LRP11: variants seen among roughly 807,000 people sequenced by gnomAD.
LRP11 encodes LDL receptor related protein 11, also known as low-density lipoprotein receptor-related protein 11.
A neutral mutation model predicts 43.1 loss-of-function variants in LRP11; 25 were observed. The ratio of observed to expected loss-of-function variants is 0.58; its 90% confidence interval spans 0.42 to 0.81. The LOEUF is 0.81. Among genes scored for constraint, LRP11 ranks in the 30% least tolerant of loss-of-function variants. LRP11 has a pLI of 0.00. For missense variants in LRP11, 623 were observed against 665.1 expected (o/e 0.94, Z 0.70); for synonymous variants, 316 against 299.4 (o/e 1.06, Z -0.57).
intron 1 of LRP11, among the ~76,000 whole-genome samples, chr6:149,858,116 T>C (rs908187303): frequency 6.6e-5 from 10 of 152,202 alleles, no homozygotes; most frequent in Non-Finnish European, 1.2e-4. Context: ...GTTTGTTACA[T>C]AGGTATACAT....
chr6:149,828,733 T>C lies in LRP11; in HGVS notation c.1253-2374A>G, dbSNP rs540529624. On this transcript the variant is annotated intron_variant, in intron 5 of 6. Transcript: ENST00000239367. ...TTGAACTCCTGAGCTCAAGCAAGCC[T>C]CCCGCCTTGACCTCCCAAAGTGCTG... Among the ~76,000 whole-genome samples the C allele has an allele frequency of 3.9e-3, 598 of 152,048 alleles. 3 individuals are homozygous for C. Among genetic ancestry groups the C allele is most frequent in the African/African-American group, 0.014 (570 of 41,490 alleles).
At chr6:149,854,106 T>C (rs1233820013) in intron 1 of LRP11, among the ~76,000 whole-genome samples, 2 of 152,144 alleles carry the variant, frequency 1.3e-5, no homozygotes, top group African/African-American at 2.4e-5. Context: ...AACAGCAAAA[T>C]AAATCTGTAT....
intron 6 of LRP11, among the ~76,000 whole-genome samples, chr6:149,821,365 T>C (rs1329166945): frequency 6.6e-6 from 1 of 152,250 alleles, no homozygotes; most frequent in Non-Finnish European, 1.5e-5. Flanking sequence ...TTTTTTGTTG[T>C]AGTCATTGAC....
chr6:149,835,480 C>T (rs1213277105), intron 5 of LRP11, among the ~76,000 whole-genome samples: 1 of 113,872 alleles, frequency 8.8e-6, no homozygotes, highest in African/African-American at 2.6e-5. Context: ...CCAGCTACTA[C>T]GCCTATAGTC....
At chr6:149,837,539 C>T (rs767411899) in intron 3 of LRP11, 76 bp from the exon 4 acceptor site, 10 of 1,463,538 alleles carry the variant, frequency 6.8e-6, no homozygotes, top group African/African-American at 5.6e-5. Flanking sequence ...AAGGGGAGTC[C>T]GTGGGGATGA....
intron 6 of LRP11, among the ~76,000 whole-genome samples, chr6:149,822,620 ACTT>A (rs1776290758): frequency 6.6e-6 from 1 of 152,334 alleles, no homozygotes; most frequent in South Asian, 2.1e-4. Flanking sequence ...ATGGTACTCT[ACTT>A]CTACAAAATG....
chr6:149,857,668 T>C (rs1776821179), intron 1 of LRP11, among the ~76,000 whole-genome samples: 1 of 152,156 alleles, frequency 6.6e-6, no homozygotes, highest in Non-Finnish European at 1.5e-5. Flanking sequence ...CTAAGTTCAG[T>C]GCTTGAGATA....
At chr6:149,863,330 G>C in intron 1 of LRP11, 78 bp downstream of exon 1, 2 of 1,290,412 alleles carry the variant, frequency 1.5e-6, no homozygotes, top group Non-Finnish European at 2.0e-6. Context: ...GCACGAGTGT[G>C]TTTCGCTTCC....
intron 3 of LRP11, among the ~76,000 whole-genome samples, chr6:149,838,736 T>C (rs1776505875): frequency 6.6e-6 from 1 of 151,974 alleles, no homozygotes; most frequent in Admixed American, 6.6e-5. Flanking sequence ...CTGGAGTTCT[T>C]AGGAGCTTTT....
At chr6:149,844,144 T>C (rs905559384) in intron 2 of LRP11, among the ~76,000 whole-genome samples, 1 of 151,564 alleles carries the variant, frequency 6.6e-6, no homozygotes, top group African/African-American at 2.4e-5. Flanking sequence ...TCCCAGGTAC[T>C]CGGGAGGCTG....
At chr6:149,829,569 A>G (rs1776382964) in intron 5 of LRP11, among the ~76,000 whole-genome samples, 1 of 151,688 alleles carries the variant, frequency 6.6e-6, no homozygotes, top group Admixed American at 6.6e-5. Flanking sequence ...TAAAAAAATA[A>G]ATAAAATAAA....
chr6:149,853,077 C>A lies in LRP11; in HGVS notation c.697G>T (p.Glu233Ter), dbSNP rs11278. Residue 233 changes from glutamate to a stop codon, truncating the protein, a stop_gained, in exon 2 of 7, where the codon GAG becomes TAG. Transcript: ENST00000239367. LOFTEE classifies it high-confidence loss of function. ...PTDGVVLDGR[E>*]STDDHAIVQY... ...ACGATGGCGTGGTCATCTGTGCTCTCGCGGCCGTCTAGAACCACCCCGTCT... is the reference window on the plus strand; with the variant it reads ...ACGATGGCGTGGTCATCTGTGCTCTAGCGGCCGTCTAGAACCACCCCGTCT... The A allele has an allele frequency of 1.2e-6, 2 of 1,612,454 alleles. No homozygotes were observed. The highest frequency in any genetic ancestry group is 1.7e-6 in the Non-Finnish European group (2 of 1,179,292).
intron 5 of LRP11, among the ~76,000 whole-genome samples, chr6:149,826,750 T>C (rs1345141476): frequency 6.6e-6 from 1 of 152,182 alleles, no homozygotes; most frequent in African/African-American, 2.4e-5. Flanking sequence ...CATTTAGACA[T>C]GCTCTTTCTC....
At chr6:149,830,905 C>T (rs891746669) in intron 5 of LRP11, among the ~76,000 whole-genome samples, 2 of 152,174 alleles carry the variant, frequency 1.3e-5, no homozygotes, top group African/African-American at 4.8e-5. Flanking sequence ...TGAATTTCTG[C>T]TGTTTACATT....
At position 149,819,423 on chromosome 6, in the gene LRP11, A is replaced by ATGAT. The variant is rs1226761812; in HGVS notation, c.*1122_*1125dup. On this transcript the variant is annotated 3_prime_UTR_variant, in exon 7 of 7. Transcript: ENST00000239367. ...ATCCCGGCGTTAAGTGATGGTGGGAATGATTTGCCTTTAAAAGCCTACAAA... is the reference window on the plus strand; with the variant it reads ...ATCCCGGCGTTAAGTGATGGTGGGAATGATTGATTTGCCTTTAAAAGCCTACAAA... 2.0e-5 allele frequency: 3 copies of ATGAT among 152,382 alleles called. No individual in the cohort carries two copies. The highest frequency in any genetic ancestry group is 7.2e-5 in the African/African-American group (3 of 41,458). The allele number at this position is 152,382 out of a possible 1,614,324, so 9.4% of individuals were successfully genotyped here.
At chr6:149,860,177 G>A (rs1011931956) in intron 1 of LRP11, among the ~76,000 whole-genome samples, 1 of 152,128 alleles carries the variant, frequency 6.6e-6, no homozygotes, top group South Asian at 2.1e-4. Flanking sequence ...AAGGCTGGGG[G>A]TGGCAGCAGG....
At chr6:149,833,139 G>A (rs937308058) in intron 5 of LRP11, among the ~76,000 whole-genome samples, 6 of 150,794 alleles carry the variant, frequency 4.0e-5, no homozygotes, top group African/African-American at 7.3e-5. Context: ...GGGTTTCACC[G>A]TGTTAGCCAG....
At chr6:149,830,645 A>T (rs1776397009) in intron 5 of LRP11, among the ~76,000 whole-genome samples, 1 of 152,214 alleles carries the variant, frequency 6.6e-6, no homozygotes, top group South Asian at 2.1e-4. Context: ...GGTTCATGTA[A>T]AAAACTATGC....
Position 149,827,380 on chromosome 6 carries a change from C to G in LRP11, c.1253-1021G>C, listed in dbSNP as rs566187478. Among the ~76,000 whole-genome samples the G allele has an allele frequency of 6.6e-6, 1 of 152,240 alleles. No homozygotes were observed. Among genetic ancestry groups the G allele is most frequent in the South Asian group, 2.1e-4 (1 of 4,812 alleles). On this transcript the variant is annotated intron_variant, in intron 5 of 6. Coordinates refer to ENST00000239367, the MANE Select transcript of LRP11 (RefSeq NM_032832.6). This position sits in a 1 kb window ranked among gnomAD's most constrained non-coding sequence, Gnocchi z 4.2. ...GGCATCAACATAAATGTTCCTAATT[C>G]CTGCAAATGAAATAAGACTATTTAA...
Sources: gnomAD v4.1 joint callset for allele counts (sites outside exome capture counted in the v4.1 genomes callset) on GRCh38, gnomAD v4.1.1 for gene constraint, Gnocchi (gnomAD v3.1) non-coding constraint, MANE v1.5 for transcripts, NCBI Gene and HGNC (gene_info 2026-07-23, HGNC 2026-07-21) for gene names.